The following THSD7A variants were observed in gnomAD, a reference collection of about 807,000 sequenced individuals.
The protein encoded by THSD7A is thrombospondin type 1 domain containing 7A.
Under a neutral mutation model 231.3 loss-of-function variants are expected in THSD7A, and 96 were observed. That is an observed-to-expected ratio of 0.41 (90% CI 0.35 to 0.49). The LOEUF is 0.49. Among genes scored for constraint, THSD7A ranks in the 20% least tolerant of loss-of-function variants. THSD7A has a pLI of 0.05. For synonymous variants in THSD7A, 940 were observed against 743.3 expected (o/e 1.26, Z -4.30); for missense variants, 2,290 against 2,070.2 (o/e 1.11, Z -2.06).
intron 16 of THSD7A, among the ~76,000 whole-genome samples, chr7:11,422,211 A>T (rs1238777003): frequency 2.0e-5 from 3 of 152,186 alleles, no homozygotes; most frequent in African/African-American, 7.2e-5. Context: ...GCAATTCTAG[A>T]AAAAGTCAGT....
In THSD7A at chr7:11,590,606, C is replaced by A; in HGVS notation, c.1307G>T (p.Arg436Leu). 1.9e-6 allele frequency: 3 copies of A among 1,612,960 alleles called. No individual in the cohort carries two copies. The highest frequency in any genetic ancestry group is 2.5e-6 in the Non-Finnish European group (3 of 1,179,374). The part of the protein sequence containing the change: ...GWRTTEWTEC[R>L]VDPLLSQQDK... ...CTGCTGACTGAGCAAAGGGTCCACA[C>A]GGCACTCAGTCCACTCTGTAGTTCT... Residue 436 changes from arginine (R) to leucine (L), a missense_variant, in exon 4 of 28, where the codon CGT becomes CTT. Transcript: ENST00000423059. The surrounding 1 kb of genome is among the most constrained non-coding windows in gnomAD (Gnocchi z 4.4).
At chr7:11,663,946 C>T (rs1783026630) in intron 1 of THSD7A, among the ~76,000 whole-genome samples, 1 of 151,254 alleles carries the variant, frequency 6.6e-6, no homozygotes, top group Non-Finnish European at 1.5e-5. Flanking sequence ...TGATATTTTT[C>T]CCTTAATTTA....
At chr7:11,656,606 A>G (rs1040872720) in intron 1 of THSD7A, among the ~76,000 whole-genome samples, 3 of 151,906 alleles carry the variant, frequency 2.0e-5, no homozygotes, top group Admixed American at 1.3e-4. Flanking sequence ...GGCTTTAAAT[A>G]AAAAGAATTA....
chr7:11,691,230 C>A (rs1468035877), intron 1 of THSD7A, among the ~76,000 whole-genome samples: 1 of 151,438 alleles, frequency 6.6e-6, no homozygotes, highest in East Asian at 2.0e-4. Flanking sequence ...CAAAAAGATT[C>A]TCTTGTCATT....
rs937548061 is a variant in THSD7A, at chr7:11,820,721, C to A, written c.190+11036G>T. 59 of 1,071,854 alleles carry A rather than the reference C, an allele frequency of 5.5e-5. No individual in the cohort carries two copies. The African/African-American group carries it at 8.2e-4, about 15-fold the overall frequency. 66.4% of individuals were successfully genotyped at this position (1,071,854 alleles called of 1,614,324 possible). ...CTCAAAGCCCGTGGAGCTCTCCTCT[C>A]TTTTCTCTGTCTCTTCAGTGTACTC... On this transcript the variant is annotated intron_variant, in intron 1 of 27. Transcript: ENST00000423059.
rs1325955797 is a variant in THSD7A at position 11,521,529 on chromosome 7, T to C, written c.1822+19890A>G. The stretch of plus-strand genomic sequence containing the variant: ...ATTATACTCTAAGTTTTAGGGTACA[T>C]GTGCACATTGTGCAGGTTAGTTACA... On this transcript the variant is annotated intron_variant, in intron 6 of 27. Transcript: ENST00000423059. 1.4e-5 allele frequency among the ~76,000 whole-genome samples: 2 copies of C among 142,842 alleles called. 1 individual carries two copies. The highest frequency in any genetic ancestry group is 5.5e-5 in the African/African-American group (2 of 36,562). The allele number at this position is 142,842 out of a possible 152,430, so 93.7% of individuals were successfully genotyped here. A position where few individuals can be genotyped will look rare whatever the true frequency, so the allele number is the denominator to read the frequency against.
intron 7 of THSD7A, among the ~76,000 whole-genome samples, chr7:11,479,006 CAGAT>C (rs1426655221): frequency 6.6e-6 from 1 of 152,148 alleles, no homozygotes; most frequent in Non-Finnish European, 1.5e-5. Flanking sequence ...TTAAAATCGA[CAGAT>C]AGATTCTCCA....
At chr7:11,649,837 C>T (rs1782422953) in intron 1 of THSD7A, among the ~76,000 whole-genome samples, 1 of 151,974 alleles carries the variant, frequency 6.6e-6, no homozygotes, top group South Asian at 2.1e-4. Context: ...ATCAGGGTAT[C>T]TCTAATACTT....
At chr7:11,397,003 T>TA (rs1193096129) in intron 23 of THSD7A, among the ~76,000 whole-genome samples, 6 of 152,090 alleles carry the variant, frequency 3.9e-5, no homozygotes, top group African/African-American at 1.4e-4. Flanking sequence ...ACGTAATCCA[T>TA]CACATAAATA....
chr7:11,698,100 T>C (rs188745120), intron 1 of THSD7A, among the ~76,000 whole-genome samples: 1 of 151,540 alleles, frequency 6.6e-6, no homozygotes, highest in East Asian at 2.0e-4. Flanking sequence ...TCTGATTCTG[T>C]ACAATTTCAT....
At chr7:11,382,073 A>G (rs1221073501) in intron 24 of THSD7A, among the ~76,000 whole-genome samples, 1 of 152,118 alleles carries the variant, frequency 6.6e-6, no homozygotes, top group African/African-American at 2.4e-5. Context: ...TAAATCATAG[A>G]CTTCTGAATT....
Position 11,432,335 on chromosome 7 carries a change from AT to A in THSD7A, c.3065-3211del, listed in dbSNP as rs150133618. Among the ~76,000 whole-genome samples, 4 of 152,254 alleles carry A rather than the reference AT, an allele frequency of 2.6e-5. No individual in the cohort carries two copies. The East Asian group carries it at 7.7e-4, about 29-fold the overall frequency. On this transcript the variant is annotated intron_variant, in intron 13 of 27. Transcript: ENST00000423059. ...TCTTTTTATGTAGTATCTCCTATAC[AT>A]TTGTCAAAGATATTTGTTTTAAACT...
intron 11 of THSD7A, among the ~76,000 whole-genome samples, chr7:11,454,525 AT>A (rs1435367470): frequency 6.7e-6 from 1 of 149,950 alleles, no homozygotes; most frequent in Non-Finnish European, 1.5e-5. Flanking sequence ...CTATATTTAA[AT>A]GCTGTGTCTC....
chr7:11,418,209 G>A (rs746473649), intron 16 of THSD7A, among the ~76,000 whole-genome samples: 1 of 152,132 alleles, frequency 6.6e-6, no homozygotes, highest in Non-Finnish European at 1.5e-5. Context: ...TTAAAAGAAA[G>A]TGAGAAGTGA....
intron 23 of THSD7A, among the ~76,000 whole-genome samples, chr7:11,389,046 G>GT (rs1782874531): frequency 6.6e-6 from 1 of 152,054 alleles, no homozygotes; most frequent in Non-Finnish European, 1.5e-5. Flanking sequence ...ATTAGAATAA[G>GT]TGTGATGTGG....
At chr7:11,790,067 G>C (rs114006138) in intron 1 of THSD7A, among the ~76,000 whole-genome samples, 1 of 151,972 alleles carries the variant, frequency 6.6e-6, no homozygotes, top group South Asian at 2.1e-4. Flanking sequence ...ATTAAATGTT[G>C]TGGAGATAAA....
intron 1 of THSD7A, among the ~76,000 whole-genome samples, chr7:11,761,502 C>T (rs2128168268): frequency 6.6e-6 from 1 of 152,100 alleles, no homozygotes; most frequent in South Asian, 2.1e-4. Context: ...GTATATTATA[C>T]ATACATACAA....
At chr7:11,421,751 A>G (rs1784153218) in intron 16 of THSD7A, among the ~76,000 whole-genome samples, 1 of 152,218 alleles carries the variant, frequency 6.6e-6, no homozygotes, top group Admixed American at 6.5e-5. Context: ...TCTACAATAT[A>G]TTATGAACAT....
chr7:11,741,310 G>C (rs912301748), intron 1 of THSD7A, among the ~76,000 whole-genome samples: 1 of 151,878 alleles, frequency 6.6e-6, no homozygotes, highest in African/African-American at 2.4e-5. Context: ...CTCCGTTTAA[G>C]AGATCCAAAG....
Sources: allele counts gnomAD v4.1 joint callset (sites outside exome capture counted in the v4.1 genomes callset), GRCh38; gene constraint gnomAD v4.1.1; non-coding constraint Gnocchi (gnomAD v3.1); transcripts MANE v1.5; gene names NCBI Gene and HGNC (gene_info 2026-07-23, HGNC 2026-07-21).